Variants in GRIK4 observed in about 807,000 individuals in gnomAD.
The protein encoded by GRIK4 is glutamate receptor ionotropic, kainate 4.
A neutral mutation model predicts 104.9 loss-of-function variants in GRIK4; 40 were observed. That is an observed-to-expected ratio of 0.38 (90% CI 0.30 to 0.50). GRIK4 has a LOEUF of 0.50. Among genes scored for constraint, GRIK4 ranks in the 20% least tolerant of loss-of-function variants. The pLI is 0.93. For synonymous variants in GRIK4, 485 were observed against 524.9 expected (o/e 0.92, Z 1.04); for missense variants, 1,047 against 1,308.1 (o/e 0.80, Z 3.08).
In GRIK4 at chr11:120,579,972, A is replaced by C. The variant is rs940329487; in HGVS notation, c.-159+68085A>C. Among the ~76,000 whole-genome samples the C allele has an allele frequency of 2.0e-5, 3 of 152,108 alleles. No homozygotes were observed. The East Asian group carries it at 5.8e-4, about 29-fold the overall frequency. ...GAATGTCATATAAATAGAATCACATAGTATATAGCTTTCTGAGTCTGGCTT... is the reference window on the plus strand; with the variant it reads ...GAATGTCATATAAATAGAATCACATCGTATATAGCTTTCTGAGTCTGGCTT... On this transcript the variant is annotated intron_variant, in intron 1 of 20. Transcript: ENST00000527524.
intron 1 of GRIK4, among the ~76,000 whole-genome samples, chr11:120,624,879 G>T (rs531483144): frequency 6.6e-6 from 1 of 152,304 alleles, no homozygotes; most frequent in African/African-American, 2.4e-5. Context: ...ATCTTGGGGG[G>T]ATGGGGTGCA....
intron 3 of GRIK4, among the ~76,000 whole-genome samples, chr11:120,679,265 C>T (rs1950153906): frequency 6.6e-6 from 1 of 152,136 alleles, no homozygotes; most frequent in Admixed American, 6.5e-5. Context: ...CTGGAGAGAC[C>T]ACATGTCCCT....
At chr11:120,969,458 G>A (rs981053768) in intron 19 of GRIK4, among the ~76,000 whole-genome samples, 2 of 152,098 alleles carry the variant, frequency 1.3e-5, no homozygotes, top group African/African-American at 2.4e-5. Flanking sequence ...GTGCAGGGGC[G>A]CCGGGTGGTC....
chr11:120,548,417 C>T (rs984251888), intron 1 of GRIK4, among the ~76,000 whole-genome samples: 4 of 151,860 alleles, frequency 2.6e-5, no homozygotes, highest in Non-Finnish European at 5.9e-5. Context: ...GAGGGGATGG[C>T]CCCAGCAAAG....
intron 3 of GRIK4, among the ~76,000 whole-genome samples, chr11:120,712,547 G>A (rs1249720268): frequency 1.3e-5 from 2 of 151,894 alleles, no homozygotes; most frequent in Non-Finnish European, 2.9e-5. Context: ...CAACACATTG[G>A]GAGGCCAGCA....
At chr11:120,840,248 G>A (rs1953679153) in intron 8 of GRIK4, among the ~76,000 whole-genome samples, 1 of 152,252 alleles carries the variant, frequency 6.6e-6, no homozygotes, top group Admixed American at 6.5e-5. Flanking sequence ...GAGGAAGTCA[G>A]TGACAGGAAG....
intron 16 of GRIK4, among the ~76,000 whole-genome samples, chr11:120,959,095 C>T (rs914492327): frequency 6.6e-6 from 1 of 152,118 alleles, no homozygotes; most frequent in Non-Finnish European, 1.5e-5. Flanking sequence ...TCCCTCTAGT[C>T]CTTTACAGAT....
chr11:120,562,547 T>C (rs907837006), intron 1 of GRIK4, among the ~76,000 whole-genome samples: 4 of 152,044 alleles, frequency 2.6e-5, no homozygotes, highest in Non-Finnish European at 5.9e-5. Flanking sequence ...TGGTGGGGGC[T>C]GGGGAAGAGC....
chr11:120,532,230 C>T (rs538441543), intron 1 of GRIK4, among the ~76,000 whole-genome samples: 23 of 152,290 alleles, frequency 1.5e-4, no homozygotes, highest in Admixed American at 1.4e-3. Context: ...GACCTGGACT[C>T]GCTGCTTTGA....
intron 1 of GRIK4, among the ~76,000 whole-genome samples, chr11:120,541,519 C>T (rs112879141): frequency 5.3e-5 from 8 of 151,596 alleles, no homozygotes; most frequent in South Asian, 2.1e-4. Flanking sequence ...TCTGAGGTAG[C>T]GCCTTGCTCT....
At chr11:120,949,909 T>C (rs1943957674) in intron 14 of GRIK4, among the ~76,000 whole-genome samples, 1 of 152,174 alleles carries the variant, frequency 6.6e-6, no homozygotes, top group Admixed American at 6.5e-5. Context: ...TGAAGCATTT[T>C]TAGTTCTTCA....
intron 3 of GRIK4, among the ~76,000 whole-genome samples, chr11:120,775,286 A>G (rs368005985): frequency 2.0e-5 from 3 of 152,194 alleles, no homozygotes; most frequent in Admixed American, 6.5e-5. Context: ...CACACAAGCC[A>G]TACAAGAGAG....
intron 8 of GRIK4, among the ~76,000 whole-genome samples, chr11:120,847,300 C>T (rs4936560): frequency 0.85 from 129,264 of 152,146 alleles, 55,373 homozygotes; most frequent in African/African-American, 0.96. Flanking sequence ...GTGCTGTGTG[C>T]TGGGGATACA....
chr11:120,897,601 CAA>C (rs56807699), intron 11 of GRIK4, among the ~76,000 whole-genome samples: 92 of 13,044 alleles, frequency 7.1e-3, no homozygotes, highest in South Asian at 0.07. Context: ...GACTCCTTCT[CAA>C]AAAAAAAAAA....
At chr11:120,781,504 C>A (rs949021746) in intron 3 of GRIK4, among the ~76,000 whole-genome samples, 2 of 152,164 alleles carry the variant, frequency 1.3e-5, no homozygotes, top group South Asian at 2.1e-4. Flanking sequence ...GCAAGTGCCA[C>A]CATGCCCAGC....
chr11:120,833,364 G>C (rs1216133323), intron 7 of GRIK4, among the ~76,000 whole-genome samples: 1 of 151,622 alleles, frequency 6.6e-6, no homozygotes, highest in Non-Finnish European at 1.5e-5. Context: ...TTTCTCTTAT[G>C]CCTGGAGCCA....
At chr11:120,968,677 C>A (rs962638590) in intron 19 of GRIK4, among the ~76,000 whole-genome samples, 1 of 152,212 alleles carries the variant, frequency 6.6e-6, no homozygotes, top group African/African-American at 2.4e-5. Flanking sequence ...TGGCTCTTCA[C>A]TCCCCAAAGG....
intron 3 of GRIK4, among the ~76,000 whole-genome samples, chr11:120,771,205 G>A (rs939449465): frequency 1.3e-5 from 2 of 152,198 alleles, no homozygotes; most frequent in East Asian, 3.8e-4. Flanking sequence ...TCTTTGTAGA[G>A]ATTAGCTAAG....
At position 120,617,050 on chromosome 11, in the gene GRIK4, G is replaced by A. The variant is rs376209966; in HGVS notation, c.-158-36635G>A. 2.8e-4 allele frequency among the ~76,000 whole-genome samples: 42 copies of A among 152,314 alleles called. No individual in the cohort carries two copies. In the South Asian group the frequency reaches 8.5e-3, roughly 31 times the overall value. ...GTTCACTTAGGACAGGGGTTCTCCT[G>A]GGGAACCTTCTCGGGAGCCCCGTGA... is the stretch of plus-strand genomic sequence containing the variant. On this transcript the variant is annotated intron_variant, in intron 1 of 20. Transcript: ENST00000527524.
Sources: gnomAD v4.1 joint callset for allele counts (sites outside exome capture counted in the v4.1 genomes callset) on GRCh38, gnomAD v4.1.1 for gene constraint, MANE v1.5 for transcripts, NCBI Gene and HGNC (gene_info 2026-07-23, HGNC 2026-07-21) for gene names.